Variants in SEMA3D observed in about 807,000 individuals in gnomAD.
SEMA3D encodes the protein semaphorin 3D, also known as semaphorin-3D.
Under a neutral mutation model 100.1 loss-of-function variants are expected in SEMA3D, and 84 were observed. The ratio of observed to expected loss-of-function variants is 0.84; its 90% CI spans 0.70 to 1.01. The LOEUF (loss-of-function observed/expected upper bound fraction) is 1.01. Among genes scored for constraint, SEMA3D ranks in the 50% least tolerant of loss-of-function variants. The pLI is 0.00. For synonymous variants in SEMA3D, 312 were observed against 320.7 expected (o/e 0.97, Z 0.29); for missense variants, 875 against 934.1 (o/e 0.94, Z 0.82).
chr7:85,118,913 T>C (rs560190539), intron 3 of SEMA3D, among the ~76,000 whole-genome samples: 1 of 152,040 alleles, frequency 6.6e-6, no homozygotes, highest in Non-Finnish European at 1.5e-5. Flanking sequence ...GTTTTTATAG[T>C]TTTAAATAAA....
chr7:85,086,633 T>TCC lies in SEMA3D; in HGVS notation c.313-5055_313-5054insGG, dbSNP rs1322704449. Among the ~76,000 whole-genome samples the TCC allele has an allele frequency of 2.8e-3, 303 of 107,766 alleles. 2 individuals carry two copies. The highest frequency in any genetic ancestry group is 0.018 in the African/African-American group (285 of 15,654). 70.7% of individuals were successfully genotyped at this position (107,766 alleles called of 152,430 possible). Reference sequence around the variant, plus strand: ...GTCTCTTTCTCTCTCTCTCTCTCCGTGTGTGTGTGTGTGTGTGTGTGTGTG... The same window carrying TCC: ...GTCTCTTTCTCTCTCTCTCTCTCCGTCCGTGTGTGTGTGTGTGTGTGTGTGTG... On this transcript the variant is annotated intron_variant, in intron 4 of 18. Coordinates refer to ENST00000284136, the MANE Select transcript of SEMA3D (RefSeq NM_001384900.1).
intron 12 of SEMA3D, chr7:85,029,645 T>G (rs1790490180): frequency 4.7e-6 from 2 of 423,100 alleles, no homozygotes; most frequent in South Asian, 2.0e-5. Context: ...GTGGTAGAGC[T>G]CCTGCATCTG....
intron 2 of SEMA3D, among the ~76,000 whole-genome samples, chr7:85,147,750 AT>A (rs1353967729): frequency 6.6e-6 from 1 of 152,114 alleles, no homozygotes; most frequent in Admixed American, 6.6e-5. Context: ...ATATCTGCTA[AT>A]TTATTGTTTT....
the SEMA3D span, among the ~76,000 whole-genome samples, chr7:85,211,253 A>G: frequency 6.6e-6 from 1 of 152,144 alleles, no homozygotes; most frequent in African/African-American, 2.4e-5. Flanking sequence ...AATTCTAAAC[A>G]TTTGTTAATT....
At chr7:85,211,240 C>A in the SEMA3D span, among the ~76,000 whole-genome samples, 1 of 151,886 alleles carries the variant, frequency 6.6e-6, no homozygotes, top group East Asian at 1.9e-4. Context: ...AAAGATGAGA[C>A]CCAATTCTAA....
chr7:85,216,993 G>T, the SEMA3D span, among the ~76,000 whole-genome samples: 27 of 151,714 alleles, frequency 1.8e-4, no homozygotes, highest in Non-Finnish European at 3.4e-4. Flanking sequence ...CTAATACAAA[G>T]CATTTTATAT....
intron 2 of SEMA3D, 73 bp from the exon 3 acceptor site, chr7:85,122,004 A>G (rs999919838): frequency 4.4e-6 from 3 of 681,738 alleles, no homozygotes; most frequent in African/African-American, 1.9e-5. Context: ...ACCAAATACC[A>G]TATCATCTCA....
chr7:85,159,215 A>G (rs1790678514), intron 1 of SEMA3D, among the ~76,000 whole-genome samples: 1 of 152,154 alleles, frequency 6.6e-6, no homozygotes, highest in Non-Finnish European at 1.5e-5. Context: ...AGGGTAGAGG[A>G]GGGTGTTAAA....
At chr7:85,081,388 C>G (rs1377648647) in intron 5 of SEMA3D, 129 bp downstream of exon 5, 1 of 562,764 alleles carries the variant, frequency 1.8e-6, no homozygotes, top group Non-Finnish European at 3.2e-6. Flanking sequence ...TTAATATTCA[C>G]ATAGAATATG....
At chr7:85,051,378 A>G (rs1205454749) in intron 9 of SEMA3D, among the ~76,000 whole-genome samples, 1 of 151,900 alleles carries the variant, frequency 6.6e-6, no homozygotes, top group Non-Finnish European at 1.5e-5. Flanking sequence ...GATAAGCGAC[A>G]TTTTTGACAA....
chr7:85,072,869 C>A (rs999593158), intron 6 of SEMA3D, 93 bp downstream of exon 6: 2 of 1,024,934 alleles, frequency 2.0e-6, no homozygotes, highest in African/African-American at 3.3e-5. Flanking sequence ...ATGTTTCAGT[C>A]CTTATATTCA....
In SEMA3D at chr7:85,050,798, T is replaced by C. The variant is rs867654711; in HGVS notation, c.861+4919A>G. ...ATGTAACTTCAGCCTTTAAAACTAA[T>C]AAAATGACATATCTCTTTGATCACC... On this transcript the variant is annotated intron_variant, in intron 9 of 18. Coordinates refer to ENST00000284136, the MANE Select transcript of SEMA3D (RefSeq NM_001384900.1). 6 of 470,228 alleles carry C rather than the reference T, an allele frequency of 1.3e-5. No homozygotes were observed. The Middle Eastern group carries it at 1.7e-3, about 136-fold the overall frequency. 29.1% of individuals were successfully genotyped at this position (470,228 alleles called of 1,614,324 possible).
intron 1 of SEMA3D, among the ~76,000 whole-genome samples, chr7:85,173,144 CAGAG>C (rs897506548): frequency 1.3e-5 from 2 of 151,382 alleles, no homozygotes; most frequent in African/African-American, 4.9e-5. Context: ...GAGAAAGAGA[CAGAG>C]AGAGAAAAGG....
At chr7:85,246,670 G>C in the SEMA3D span, among the ~76,000 whole-genome samples, 4 of 151,508 alleles carry the variant, frequency 2.6e-5, no homozygotes, top group African/African-American at 4.8e-5. Context: ...GGGAATATAG[G>C]GTGTATTGTT....
At chr7:85,146,658 CTAGCCTAA>C (rs1275075791) in intron 2 of SEMA3D, among the ~76,000 whole-genome samples, 3 of 151,850 alleles carry the variant, frequency 2.0e-5, no homozygotes, top group Non-Finnish European at 4.4e-5. Flanking sequence ...AAAATAAAAA[CTAGCCTAA>C]TAGCAGGTAT....
upstream of SEMA3D, among the ~76,000 whole-genome samples, chr7:85,191,733 C>T (rs1554353610): frequency 6.6e-6 from 1 of 152,130 alleles, no homozygotes; most frequent in Non-Finnish European, 1.5e-5. Flanking sequence ...CATTCCAACA[C>T]TTCTGCTTTG....
the SEMA3D span, among the ~76,000 whole-genome samples, chr7:85,204,635 G>A: frequency 1.3e-5 from 2 of 152,070 alleles, no homozygotes; most frequent in Non-Finnish European, 2.9e-5. Context: ...TCATCAACAA[G>A]GAGAGTCTTC....
intron 2 of SEMA3D, chr7:85,140,573 T>TTATCTA (rs1191435038): frequency 1.1e-5 from 11 of 965,054 alleles, no homozygotes; most frequent in Non-Finnish European, 1.4e-5. Context: ...TAGCAGAGTT[T>TTATCTA]TATCTATATC....
In SEMA3D at chr7:84,995,725, A is replaced by T. The variant is rs533574369; in HGVS notation, c.*3715T>A. Reference sequence around the variant, plus strand: ...CACAATACCAGAATTAAATTACATGATTAACTAGGGCATCTGACACATTTT... The same window carrying T: ...CACAATACCAGAATTAAATTACATGTTTAACTAGGGCATCTGACACATTTT... On this transcript the variant is annotated 3_prime_UTR_variant, in exon 19 of 19. Transcript: ENST00000284136. 8.9e-4 allele frequency: 136 copies of T among 152,156 alleles called. No individual in the cohort carries two copies. Among genetic ancestry groups the T allele is most frequent in the African/African-American group, 3.1e-3 (130 of 41,578 alleles). 9.4% of individuals were successfully genotyped at this position (152,156 alleles called of 1,614,324 possible). A position where few individuals can be genotyped will look rare whatever the true frequency, so the allele number is the denominator to read the frequency against.
Sources: allele counts gnomAD v4.1 joint callset (sites outside exome capture counted in the v4.1 genomes callset), GRCh38; gene constraint gnomAD v4.1.1; transcripts MANE v1.5; gene names NCBI Gene and HGNC (gene_info 2026-07-23, HGNC 2026-07-21).